The following ANXA13 variants were observed in gnomAD, a reference collection of about 807,000 sequenced individuals.
The protein encoded by ANXA13 is annexin A13.
In ANXA13, 36 loss-of-function variants were observed where a neutral mutation model predicts 46.6. That is an observed-to-expected ratio of 0.77 (90% CI 0.59 to 1.02). The LOEUF (loss-of-function observed/expected upper bound fraction) is 1.02, where lower values mean the gene tolerates loss of function less well. ANXA13 is among the 50% of genes least tolerant of loss of function. The probability of loss-of-function intolerance (pLI) is 0.00; values close to 1 mark genes in which losing one functional copy is unlikely to be tolerated. For synonymous variants in ANXA13, 163 were observed against 152.9 expected (o/e 1.07, Z -0.49); for missense variants, 417 against 396.5 (o/e 1.05, Z -0.44).
At chr8:123,685,453 C>A (rs141119421) in intron 9 of ANXA13, among the ~76,000 whole-genome samples, 10 of 152,228 alleles carry the variant, frequency 6.6e-5, no homozygotes, top group African/African-American at 2.4e-4. Context: ...TTCCCCTCTT[C>A]CCAGGCTCAT....
rs544142924 is a variant in ANXA13, at chr8:123,690,095, C to T, written c.643-1149G>A. Among the ~76,000 whole-genome samples the T allele has an allele frequency of 6.6e-6, 1 of 152,252 alleles. No homozygotes were observed. The highest frequency in any genetic ancestry group is 2.1e-4 in the South Asian group (1 of 4,822). On this transcript the variant is annotated intron_variant, in intron 8 of 10. Transcript: ENST00000419625. The surrounding 1 kb of genome is among the most constrained non-coding windows in gnomAD (Gnocchi z 4.6). ...GAACTGTCCCTTCCTTAGCTGCCCCCAGTCTTTTTTGGGTTTGATGTGGGA... is the reference window on the plus strand; with the variant it reads ...GAACTGTCCCTTCCTTAGCTGCCCCTAGTCTTTTTTGGGTTTGATGTGGGA...
At chr8:123,696,692 G>A (rs1186022306) in intron 4 of ANXA13, among the ~76,000 whole-genome samples, 7 of 152,136 alleles carry the variant, frequency 4.6e-5, no homozygotes, top group Non-Finnish European at 2.9e-5. Context: ...TGCTGGGGGA[G>A]GCTGATCACT....
intron 2 of ANXA13, among the ~76,000 whole-genome samples, chr8:123,703,908 C>T (rs984308029): frequency 3.3e-5 from 5 of 152,088 alleles, no homozygotes; most frequent in African/African-American, 4.8e-5. Context: ...ACGGTTTTAC[C>T]ATCAAACCCC....
chr8:123,685,350 C>T (rs1813121268), intron 9 of ANXA13, among the ~76,000 whole-genome samples: 1 of 152,136 alleles, frequency 6.6e-6, no homozygotes, highest in East Asian at 1.9e-4. Flanking sequence ...CCTTGCCTTC[C>T]AGCTTTGATC....
intron 2 of ANXA13, among the ~76,000 whole-genome samples, chr8:123,706,132 G>C (rs1021443285): frequency 4.6e-5 from 7 of 152,172 alleles, no homozygotes; most frequent in Admixed American, 6.5e-5. Context: ...TGCCTGCCTG[G>C]TGCTGGCTTG....
At chr8:123,698,250 T>C in intron 4 of ANXA13, 139 bp downstream of exon 4, 1 of 870,784 alleles carries the variant, frequency 1.1e-6, no homozygotes, top group Non-Finnish European at 1.7e-6. Flanking sequence ...TCCTCCCACA[T>C]GGACCAAGCA....
chr8:123,725,802 A>C (rs1260400897), intron 1 of ANXA13, among the ~76,000 whole-genome samples: 2 of 152,228 alleles, frequency 1.3e-5, no homozygotes, highest in Admixed American at 1.3e-4. Context: ...GACTAAAAGC[A>C]AGCCAATTCC....
chr8:123,698,735 C>T (rs1412751673), intron 3 of ANXA13, among the ~76,000 whole-genome samples, 176 bp from the exon 4 acceptor site: 1 of 152,178 alleles, frequency 6.6e-6, no homozygotes, highest in Non-Finnish European at 1.5e-5. Context: ...ATCCACGTTT[C>T]CCCAGGGCTG....
intron 1 of ANXA13, among the ~76,000 whole-genome samples, chr8:123,715,283 A>C (rs945557965): frequency 6.6e-6 from 1 of 152,238 alleles, no homozygotes; most frequent in Non-Finnish European, 1.5e-5. Context: ...GCAGTTGCAG[A>C]GGCTGCACAC....
chr8:123,733,695 C>T (rs112821680), intron 1 of ANXA13, among the ~76,000 whole-genome samples: 110 of 152,338 alleles, frequency 7.2e-4, no homozygotes, highest in African/African-American at 2.5e-3. Flanking sequence ...GTGTGCAGAG[C>T]TCTTCTTGAA....
Position 123,702,985 on chromosome 8 carries a change from C to G in ANXA13, c.92-249G>C, listed in dbSNP as rs148805762. 5.3e-5 allele frequency among the ~76,000 whole-genome samples: 8 copies of G among 152,220 alleles called. No individual in the cohort carries two copies. The East Asian group carries it at 1.5e-3, about 29-fold the overall frequency. ...CTAGGCATTGTGGTGGAAAGAGGAA[C>G]GAGTATGGCTGGTTCCTTAATTTTA... is the stretch of plus-strand genomic sequence containing the variant. On this transcript the variant is annotated intron_variant, in intron 2 of 10. Transcript: ENST00000419625.
intron 2 of ANXA13, among the ~76,000 whole-genome samples, chr8:123,710,058 C>G (rs1344159001): frequency 6.6e-6 from 1 of 152,138 alleles, no homozygotes; most frequent in Non-Finnish European, 1.5e-5. Context: ...TGCGCCCAGC[C>G]AAGTTTCTTA....
intron 1 of ANXA13, among the ~76,000 whole-genome samples, chr8:123,736,345 A>G (rs945296227): frequency 2.0e-5 from 3 of 152,336 alleles, no homozygotes; most frequent in South Asian, 2.1e-4. Flanking sequence ...GAATAGCTTT[A>G]GATATACTTC....
At chr8:123,737,293 C>A in intron 1 of ANXA13, 27 bp downstream of exon 1, 1 of 1,603,554 alleles carries the variant, frequency 6.2e-7, no homozygotes. Flanking sequence ...AAATTAAAAC[C>A]AATTCCCAAA....
At chr8:123,735,526 G>A (rs1038173964) in intron 1 of ANXA13, among the ~76,000 whole-genome samples, 1 of 152,142 alleles carries the variant, frequency 6.6e-6, no homozygotes, top group African/African-American at 2.4e-5. Flanking sequence ...TTGTTAATGA[G>A]ACACTGTTGG....
At chr8:123,712,342 C>T (rs1386526865) in intron 2 of ANXA13, 1 of 274,748 alleles carries the variant, frequency 3.6e-6, no homozygotes, top group African/African-American at 2.2e-5. Context: ...TTATAAATTA[C>T]CCCACCTCGG....
chr8:123,712,535 G>T, intron 2 of ANXA13, 143 bp downstream of exon 2: 5 of 729,664 alleles, frequency 6.9e-6, no homozygotes, highest in Non-Finnish European at 1.2e-5. Context: ...TTAATAAAGA[G>T]GTTAGTGGAA....
chr8:123,699,798 C>T lies in ANXA13; in HGVS notation c.187-1239G>A, dbSNP rs184706790. The stretch of plus-strand genomic sequence containing the variant: ...GGTGGCAAAGAACACAGCCACAGTA[C>T]CTTTGTGACCTTGGAAATGTACTTA... On this transcript the variant is annotated intron_variant, in intron 3 of 10. Transcript: ENST00000419625. Among the ~76,000 whole-genome samples the T allele has an allele frequency of 2.0e-5, 3 of 152,258 alleles. No individual in the cohort carries two copies. In the East Asian group the frequency reaches 5.8e-4, roughly 29 times the overall value.
intron 1 of ANXA13, chr8:123,735,970 C>A: frequency 7.2e-7 from 1 of 1,395,050 alleles, no homozygotes; most frequent in Non-Finnish European, 9.5e-7. Flanking sequence ...AATTATCCTC[C>A]TAAGCTGTGA....
Sources: gnomAD v4.1 joint callset for allele counts (sites outside exome capture counted in the v4.1 genomes callset) on GRCh38, gnomAD v4.1.1 for gene constraint, Gnocchi (gnomAD v3.1) non-coding constraint, MANE v1.5 for transcripts, NCBI Gene and HGNC (gene_info 2026-07-23, HGNC 2026-07-21) for gene names.